Variants in NCAM2 observed in about 807,000 individuals in gnomAD.
NCAM2 encodes neural cell adhesion molecule 2, also known as N-CAM-2.
A neutral mutation model predicts 98.1 loss-of-function variants in NCAM2; 30 were observed. That is an observed-to-expected ratio of 0.31 (90% CI 0.23 to 0.41). NCAM2 has a LOEUF of 0.41. Among genes scored for constraint, NCAM2 ranks in the 10% least tolerant of loss-of-function variants. NCAM2 has a pLI of 1.00. For missense variants in NCAM2, 867 were observed against 1,005.8 expected, an observed-to-expected ratio of 0.86 and a Z score of 1.87; for synonymous variants, 368 against 342.4, an observed-to-expected ratio of 1.07 and a Z score of -0.83.
intron 6 of NCAM2, among the ~76,000 whole-genome samples, chr21:21,326,044 T>C (rs1015086864): frequency 6.6e-5 from 10 of 152,140 alleles, no homozygotes; most frequent in African/African-American, 2.2e-4. Flanking sequence ...ATGTAAACTG[T>C]TCTGTGTAAA....
chr21:21,243,118 G>T (rs934578461), intron 1 of NCAM2, among the ~76,000 whole-genome samples: 1 of 152,048 alleles, frequency 6.6e-6, no homozygotes, highest in Non-Finnish European at 1.5e-5. Context: ...AAACCCATAG[G>T]GCAAAATACT....
chr21:21,317,380 T>C (rs1044981580), intron 5 of NCAM2, among the ~76,000 whole-genome samples: 4 of 152,186 alleles, frequency 2.6e-5, no homozygotes, highest in Non-Finnish European at 5.9e-5. Flanking sequence ...CACTTACTTA[T>C]ACTTTCCAAC....
intron 15 of NCAM2, among the ~76,000 whole-genome samples, chr21:21,480,313 G>GTACTTTCCAGGGAAAATGTGTGA (rs1569106597): frequency 1.4e-5 from 2 of 145,604 alleles, no homozygotes; most frequent in Non-Finnish European, 3.0e-5. Flanking sequence ...CTTGCAGTGA[G>GTACTTTCCAGGGAAAATGTGTGA]CCGAGATGGC....
intron 1 of NCAM2, among the ~76,000 whole-genome samples, chr21:21,180,176 G>A (rs2068423861): frequency 6.6e-6 from 1 of 152,086 alleles, no homozygotes; most frequent in Non-Finnish European, 1.5e-5. Flanking sequence ...GAAAAGCTGT[G>A]TAACTCTTAA....
intron 1 of NCAM2, among the ~76,000 whole-genome samples, chr21:21,198,142 AC>A (rs1439746156): frequency 6.6e-6 from 1 of 151,366 alleles, no homozygotes; most frequent in Non-Finnish European, 1.5e-5. Context: ...CTACTTATCT[AC>A]CTAAACAGAA....
intron 16 of NCAM2, among the ~76,000 whole-genome samples, chr21:21,511,977 C>T (rs1260967998): frequency 6.6e-6 from 1 of 151,738 alleles, no homozygotes; most frequent in Non-Finnish European, 1.5e-5. Flanking sequence ...GTTTGAGATG[C>T]TCGTATATAC....
At chr21:21,537,802 T>G (rs9979040) in intron 17 of NCAM2, 44 bp from the exon 18 acceptor site, 503,378 of 1,086,250 alleles carry the variant, frequency 0.46, 120,091 homozygotes, top group African/African-American at 0.52. Context: ...GTACGTCTCC[T>G]TAAATACCTC....
intron 5 of NCAM2, among the ~76,000 whole-genome samples, chr21:21,293,067 A>G (rs182290249): frequency 6.6e-6 from 1 of 151,990 alleles, no homozygotes; most frequent in East Asian, 1.9e-4. Flanking sequence ...AACCGCCTCC[A>G]TGATCCAGTC....
In NCAM2 at chr21:21,236,756, ATGTG is replaced by A. The variant is rs35816689; in HGVS notation, c.56-43795_56-43792del. On this transcript the variant is annotated intron_variant, in intron 1 of 17. Transcript: ENST00000400546. Reference sequence around the variant, plus strand: ...TAGATTCTCAGAGAAATCAGTACATATGTGTGTGTGTGTGTGTGTGTGTGTGTGT... The same window carrying A: ...TAGATTCTCAGAGAAATCAGTACATATGTGTGTGTGTGTGTGTGTGTGTGT... 3.1e-3 allele frequency among the ~76,000 whole-genome samples: 466 copies of A among 150,096 alleles called. 1 individual carries two copies. Among genetic ancestry groups the A allele is most frequent in the East Asian group, 6.4e-3 (32 of 4,990 alleles).
chr21:21,374,304 T>C (rs2148055296), intron 9 of NCAM2, among the ~76,000 whole-genome samples: 1 of 151,976 alleles, frequency 6.6e-6, no homozygotes, highest in South Asian at 2.1e-4. Context: ...AAATATTAAT[T>C]ATCAGTAATT....
intron 1 of NCAM2, among the ~76,000 whole-genome samples, chr21:21,256,252 A>C (rs145300407): frequency 7.2e-5 from 11 of 152,202 alleles, no homozygotes; most frequent in Non-Finnish European, 1.5e-4. Flanking sequence ...GCAACTAGGG[A>C]GGCTGAGGCA....
At chr21:21,042,026 C>T (rs534277893) in intron 1 of NCAM2, among the ~76,000 whole-genome samples, 2 of 152,110 alleles carry the variant, frequency 1.3e-5, no homozygotes, top group East Asian at 3.9e-4. Flanking sequence ...CAGTAGAACC[C>T]TTCCTAACAT....
At chr21:21,246,894 T>G (rs1018389222) in intron 1 of NCAM2, among the ~76,000 whole-genome samples, 1 of 152,210 alleles carries the variant, frequency 6.6e-6, no homozygotes, top group Non-Finnish European at 1.5e-5. Flanking sequence ...GAGTGGCTAG[T>G]ATGTAAATTA....
intron 1 of NCAM2, among the ~76,000 whole-genome samples, chr21:21,212,873 G>C (rs1054397359): frequency 1.3e-5 from 2 of 151,600 alleles, no homozygotes; most frequent in Non-Finnish European, 2.9e-5. Flanking sequence ...CTCCCGAGTA[G>C]CTGGGACTAC....
At chr21:21,373,820 C>T (rs2075973181) in intron 8 of NCAM2, 43 bp from the exon 9 acceptor site, 2 of 1,515,282 alleles carry the variant, frequency 1.3e-6, no homozygotes, top group Admixed American at 4.3e-5. Context: ...ATTTTGCACA[C>T]ACAAGCATAA....
chr21:21,227,740 T>G (rs2070446164), intron 1 of NCAM2, among the ~76,000 whole-genome samples: 1 of 151,780 alleles, frequency 6.6e-6, no homozygotes, highest in East Asian at 1.9e-4. Flanking sequence ...ATCATTCAAT[T>G]AATAATTGAT....
chr21:21,521,110 C>T (rs1170564030), intron 16 of NCAM2, among the ~76,000 whole-genome samples: 3 of 152,082 alleles, frequency 2.0e-5, no homozygotes, highest in Non-Finnish European at 2.9e-5. Context: ...CTAACTGACC[C>T]GGAGAATGGA....
At chr21:21,341,137 C>G (rs2075020906) in intron 8 of NCAM2, among the ~76,000 whole-genome samples, 1 of 152,046 alleles carries the variant, frequency 6.6e-6, no homozygotes, top group African/African-American at 2.4e-5. Flanking sequence ...ATGGTCAAGT[C>G]ACGCTTGAAG....
At chr21:21,317,684 C>A (rs1158157561) in intron 5 of NCAM2, among the ~76,000 whole-genome samples, 3 of 151,980 alleles carry the variant, frequency 2.0e-5, no homozygotes, top group Non-Finnish European at 4.4e-5. Context: ...AGGCACACAC[C>A]ATCCTATCCT....
Sources: allele counts gnomAD v4.1 joint callset (sites outside exome capture counted in the v4.1 genomes callset), GRCh38; gene constraint gnomAD v4.1.1; transcripts MANE v1.5; gene names NCBI Gene and HGNC (gene_info 2026-07-23, HGNC 2026-07-21).